Variants in MED1 observed in about 807,000 individuals in gnomAD.
MED1 encodes the protein mediator complex subunit 1.
MED1 carries 17 observed loss-of-function variants against 121.3 expected under a neutral mutation model. The ratio of observed to expected loss-of-function variants is 0.14; its 90% confidence interval spans 0.10 to 0.21. MED1 has a LOEUF of 0.21. Ranked by LOEUF, MED1 falls within the 10% of genes least tolerant of loss-of-function variation. MED1 has a pLI of 1.00. For missense variants in MED1, 1,558 were observed against 1,919.4 expected (o/e 0.81, Z 3.52); for synonymous variants, 661 against 694.4 (o/e 0.95, Z 0.76).
Position 39,415,146 on chromosome 17 carries a change from A to G in MED1, c.1394-15T>C, listed in dbSNP as rs2048397372. On this transcript the variant is annotated splice_polypyrimidine_tract_variant and intron_variant, in intron 15 of 16. Coordinates refer to ENST00000300651, the MANE Select transcript of MED1 (RefSeq NM_004774.4). ...ATCCATTACCACTGAAAGACAAAAT[A>G]CATAGGAAATTGTTTTAGATTTAGC... is the stretch of plus-strand genomic sequence containing the variant. 1.2e-6 allele frequency: 2 copies of G among 1,612,486 alleles called. No individual in the cohort carries two copies. Among genetic ancestry groups the G allele is most frequent in the South Asian group, 2.2e-5 (2 of 91,052 alleles).
chr17:39,428,921 C>T (rs2048539587), intron 9 of MED1, among the ~76,000 whole-genome samples: 1 of 151,316 alleles, frequency 6.6e-6, no homozygotes, highest in African/African-American at 2.4e-5. Context: ...CACTGCACTC[C>T]AGCCTGGGTG....
rs1251302955 is a variant in MED1 at position 39,409,640 on chromosome 17, C to T, written c.2581G>A (p.Asp861Asn). 6.2e-7 allele frequency: 1 copy of T among 1,613,964 alleles called. No individual in the cohort carries two copies. The highest frequency in any genetic ancestry group is 8.5e-7 in the Non-Finnish European group (1 of 1,180,032). ...SDSPTNHFFH[D>N]GVDFNPDLLN... is the part of the protein sequence containing the mutation. ...AAATCAGGATTGAAATCTACTCCAT[C>T]ATGAAAAAAATGATTGGTAGGAGAG... Residue 861 changes from aspartate (D) to asparagine (N), a missense_variant, in exon 17 of 17, where the codon GAT becomes AAT. Physicochemically the swap from Asp to Asn is conservative, Grantham distance 23. This residue lies in a region of MED1 where 793 missense variants were observed against 898.2 expected (regional missense o/e 0.88). Coordinates refer to ENST00000300651, the MANE Select transcript of MED1 (RefSeq NM_004774.4).
At position 39,408,823 on chromosome 17, in the gene MED1, G is replaced by A; in HGVS notation, c.3398C>T (p.Ser1133Phe). 1 of 1,614,086 alleles carries A rather than the reference G, an allele frequency of 6.2e-7. No individual in the cohort carries two copies. Among genetic ancestry groups the A allele is most frequent in the Non-Finnish European group, 8.5e-7 (1 of 1,179,994 alleles). ...GCTAGATCCAGAAGACCCCTGGCTA[G>A]AATACATACTGCTACTTAACTTGGA... Reference protein sequence around the residue: ...SSSKLSSSMYSSQGSSGSSQS... With the variant: ...SSSKLSSSMYFSQGSSGSSQS... The change falls in exon 17 of 17, where the codon TCT (serine) becomes TTT (phenylalanine). Residue 1133 changes from serine (S) to phenylalanine (F), a missense_variant. By Grantham distance (155) the Ser-to-Phe change is radical (BLOSUM62 -2). This residue lies in a region of MED1 where 793 missense variants were observed against 898.2 expected (regional missense o/e 0.88). Coordinates refer to ENST00000300651, the MANE Select transcript of MED1 (RefSeq NM_004774.4). The surrounding 1 kb of genome is among the most constrained non-coding windows in gnomAD (Gnocchi z 4.7).
In MED1 at chr17:39,408,919, G is replaced by A; in HGVS notation, c.3302C>T (p.Ser1101Phe). The A allele has an allele frequency of 6.2e-7, 1 of 1,614,150 alleles. No homozygotes were observed. The highest frequency in any genetic ancestry group is 8.5e-7 in the Non-Finnish European group (1 of 1,180,030). ...SSGSKSHHSH[S>F]SSSSSSASTS... Reference sequence around the variant, plus strand: ...GGAAGCAGATGAGGAAGAGGAGGAAGAATGGCTATGGTGGCTTTTGCTGCC... The same window carrying A: ...GGAAGCAGATGAGGAAGAGGAGGAAAAATGGCTATGGTGGCTTTTGCTGCC... Residue 1101 changes from serine (S) to phenylalanine (F), a missense_variant, in exon 17 of 17, where the codon TCT becomes TTT. Ser to Phe is a radical substitution (Grantham distance 155, BLOSUM62 -2). Coordinates refer to ENST00000300651, the MANE Select transcript of MED1 (RefSeq NM_004774.4). The surrounding 1 kb of genome is among the most constrained non-coding windows in gnomAD (Gnocchi z 4.7).
At chr17:39,414,497 G>A (rs907186603) in intron 16 of MED1, among the ~76,000 whole-genome samples, 1 of 151,358 alleles carries the variant, frequency 6.6e-6, no homozygotes, top group African/African-American at 2.4e-5. Context: ...CACCATGCCG[G>A]GCTAATTTTT....
At chr17:39,443,662 T>C in intron 2 of MED1, 34 bp from the exon 3 acceptor site, 1 of 1,550,926 alleles carries the variant, frequency 6.4e-7, no homozygotes, top group South Asian at 1.1e-5. Context: ...GAGGTGAAAA[T>C]TAACCAGGCC....
At chr17:39,426,983 C>T (rs1028548404) in intron 10 of MED1, among the ~76,000 whole-genome samples, 6 of 151,906 alleles carry the variant, frequency 3.9e-5, no homozygotes, top group Non-Finnish European at 5.9e-5. Context: ...TTTACATGCA[C>T]GATCATGGTA....
At position 39,405,093 on chromosome 17, in the gene MED1, C is replaced by T; in HGVS notation, c.*2382G>A. On this transcript the variant is annotated 3_prime_UTR_variant, in exon 17 of 17. Transcript: ENST00000300651. ...TTTTGAAACAGAAGAATGAGTACAC[C>T]TAGACAGGAGGGAGGTGTCCCAGGC... The T allele has an allele frequency of 1.9e-6, 2 of 1,053,006 alleles. No homozygotes were observed. Among genetic ancestry groups the T allele is most frequent in the Non-Finnish European group, 2.6e-6 (2 of 758,270 alleles). 65.2% of individuals were successfully genotyped at this position (1,053,006 alleles called of 1,614,324 possible).
chr17:39,450,970 G>A (rs1465711985), intron 1 of MED1, 68 bp downstream of exon 1: 2 of 1,480,732 alleles, frequency 1.4e-6, no homozygotes, highest in African/African-American at 1.4e-5. Flanking sequence ...ACATCTGCAA[G>A]AACCTCCTCT....
intron 16 of MED1, among the ~76,000 whole-genome samples, chr17:39,413,969 G>A (rs1028307974): frequency 5.0e-5 from 7 of 141,096 alleles, no homozygotes; most frequent in Non-Finnish European, 6.0e-5. Context: ...GCTCACGCCT[G>A]TAATCCCAGA....
Position 39,409,843 on chromosome 17 carries a change from A to G in MED1, c.2378T>C (p.Leu793Pro), listed in dbSNP as rs1401135359. 2 of 1,614,074 alleles carry G rather than the reference A, an allele frequency of 1.2e-6. No individual in the cohort carries two copies. The highest frequency in any genetic ancestry group is 2.7e-5 in the African/African-American group (2 of 74,932). Reference protein sequence around the residue: ...LSDIAEEASKLPSTSDDCPAI... With the variant: ...LSDIAEEASKPPSTSDDCPAI... ...TGGGCAATCATCACTAGTGCTGGGAAGTTTAGAAGCTTCTTCTGCAATGTC... is the reference window on the plus strand; with the variant it reads ...TGGGCAATCATCACTAGTGCTGGGAGGTTTAGAAGCTTCTTCTGCAATGTC... Residue 793 changes from leucine (L) to proline (P), a missense_variant, in exon 17 of 17, where the codon CTT becomes CCT. Leu to Pro is a moderately conservative substitution (Grantham distance 98). Around this residue, in one of 5 missense-constraint regions of MED1, gnomAD observed 793 missense variants for 898.2 expected, o/e 0.88. Coordinates refer to ENST00000300651, the MANE Select transcript of MED1 (RefSeq NM_004774.4).
In MED1 at chr17:39,431,990, G is replaced by A. The variant is rs768788974; in HGVS notation, c.527C>T (p.Ala176Val). The A allele has an allele frequency of 6.2e-7, 1 of 1,608,586 alleles. No homozygotes were observed. Among genetic ancestry groups the A allele is most frequent in the Non-Finnish European group, 8.5e-7 (1 of 1,175,156 alleles). Residue 176 changes from alanine to valine, a missense_variant, in exon 8 of 17, where the codon GCT (alanine) becomes GTT (valine). By Grantham distance (64) the Ala-to-Val change is moderately conservative. Around this residue, in one of 5 missense-constraint regions of MED1, gnomAD observed 443 missense variants for 532.4 expected, o/e 0.83. Transcript: ENST00000300651. ...AAGATCTTGTTCTAAGGATTGGAGA[G>A]CCAAGTACATTTTAGTCTTCAGTTT... ...DNKLKTKMYL[A>V]LQSLEQDLSK...
rs1435228586 is a variant in MED1 at position 39,440,178 on chromosome 17, T to C, written c.399+208A>G. On this transcript the variant is annotated intron_variant, in intron 5 of 16. Coordinates refer to ENST00000300651, the MANE Select transcript of MED1 (RefSeq NM_004774.4). The surrounding 1 kb of genome is among the most constrained non-coding windows in gnomAD (Gnocchi z 4.1). Reference sequence around the variant, plus strand: ...AAAGGGTTCCTATGGTGTTTCCACTTGTTAAAGCCTTTGGATGATGTCAGA... The same window carrying C: ...AAAGGGTTCCTATGGTGTTTCCACTCGTTAAAGCCTTTGGATGATGTCAGA... Among the ~76,000 whole-genome samples, 1 of 152,068 alleles carries C rather than the reference T, an allele frequency of 6.6e-6. No homozygotes were observed. The highest frequency in any genetic ancestry group is 1.5e-5 in the Non-Finnish European group (1 of 68,004).
chr17:39,432,147 G>A (rs1469970629), intron 7 of MED1, 131 bp from the exon 8 acceptor site: 26 of 557,146 alleles, frequency 4.7e-5, no homozygotes, highest in Admixed American at 1.5e-4. Flanking sequence ...GTTTGAGACC[G>A]GCCTGGCCAA....
At position 39,446,651 on chromosome 17, in the gene MED1, G is replaced by C. The variant is rs555398830; in HGVS notation, c.132+1147C>G. On this transcript the variant is annotated intron_variant, in intron 2 of 16. Coordinates refer to ENST00000300651, the MANE Select transcript of MED1 (RefSeq NM_004774.4). ...TAGCCAGGCGTGGTGGCGTGTGCCTGTAGTCCCGGCTACTCGGGAGGCTGA... is the reference window on the plus strand; with the variant it reads ...TAGCCAGGCGTGGTGGCGTGTGCCTCTAGTCCCGGCTACTCGGGAGGCTGA... 2.3e-4 allele frequency among the ~76,000 whole-genome samples: 35 copies of C among 151,610 alleles called. No homozygotes were observed. In the South Asian group the frequency reaches 3.1e-3, roughly 14 times the overall value.
Position 39,405,508 on chromosome 17 carries a change from G to T in MED1, c.*1967C>A. The T allele has an allele frequency of 2.2e-6, 3 of 1,386,684 alleles. No individual in the cohort carries two copies. The highest frequency in any genetic ancestry group is 2.8e-6 in the Non-Finnish European group (3 of 1,071,152). 85.9% of individuals were successfully genotyped at this position (1,386,684 alleles called of 1,614,324 possible). A position where few individuals can be genotyped will look rare whatever the true frequency, so the allele number is the denominator to read the frequency against. ...CCAACGGGATAGGATTCAAAACTAG[G>T]TGACAAACTCATGAGAAATCCAACC... On this transcript the variant is annotated 3_prime_UTR_variant, in exon 17 of 17. Transcript: ENST00000300651.
chr17:39,429,566 C>T (rs529708126), intron 9 of MED1, among the ~76,000 whole-genome samples: 16 of 151,692 alleles, frequency 1.1e-4, no homozygotes, highest in Admixed American at 6.6e-4. Context: ...CACGGTGGCA[C>T]GTGCCTGTAA....
chr17:39,423,206 T>G, intron 13 of MED1, 121 bp downstream of exon 13: 2 of 762,874 alleles, frequency 2.6e-6, no homozygotes, highest in East Asian at 5.0e-5. Flanking sequence ...ACTAAAGAAA[T>G]AGGACATGAT....
At chr17:39,421,540 T>C (rs566068024) in intron 13 of MED1, among the ~76,000 whole-genome samples, 21 of 151,862 alleles carry the variant, frequency 1.4e-4, no homozygotes, top group Non-Finnish European at 2.9e-4. Context: ...CAGAGCTAGC[T>C]AGACTCCATC....
Sources: allele counts gnomAD v4.1 joint callset (sites outside exome capture counted in the v4.1 genomes callset), GRCh38; gene constraint gnomAD v4.1.1; regional missense constraint gnomAD v4.1.1; non-coding constraint Gnocchi (gnomAD v3.1); transcripts MANE v1.5; gene names NCBI Gene and HGNC (gene_info 2026-07-23, HGNC 2026-07-21).